Variants in GPAA1 observed in about 807,000 individuals in gnomAD.
The protein encoded by GPAA1 is GPI-anchor transamidase component GPAA1.
GPAA1 carries 54 observed loss-of-function variants against 64.0 expected under a neutral mutation model. The observed-to-expected ratio is 0.84, with a 90% CI of 0.68 to 1.06. The LOEUF is 1.06. Ranked by LOEUF, GPAA1 falls within the 50% of genes least tolerant of loss-of-function variation. GPAA1 has a pLI of 0.00. For missense variants in GPAA1, 780 were observed against 822.3 expected (o/e 0.95, Z 0.63); for synonymous variants, 393 against 377.3 (o/e 1.04, Z -0.48).
chr8:144,082,892 C>A, intron 1 of GPAA1, 88 bp downstream of exon 1: 1 of 1,105,750 alleles, frequency 9.0e-7, no homozygotes, highest in Non-Finnish European at 1.2e-6. Context: ...AGGGCCGGGG[C>A]CGCTCCAGCT....
chr8:144,083,997 C>T lies in GPAA1; in HGVS notation c.573C>T (p.Gly191=). The part of the protein sequence containing the change: ...VFLVTEHDLL[G]TEAWLEAYHD... Reference sequence around the variant, plus strand: ...TGGTAACAGAACATGACCTTCTGGGCACTGAGGCTTGGCTTGAAGCCTACC... The same window carrying T: ...TGGTAACAGAACATGACCTTCTGGGTACTGAGGCTTGGCTTGAAGCCTACC... The change falls in exon 5 of 12, where the codon GGC becomes GGT. Residue 191 remains glycine, a synonymous_variant. Coordinates refer to ENST00000355091, the MANE Select transcript of GPAA1 (RefSeq NM_003801.4). 1 of 1,614,028 alleles carries T rather than the reference C, an allele frequency of 6.2e-7. No individual in the cohort carries two copies. The highest frequency in any genetic ancestry group is 1.1e-5 in the South Asian group (1 of 91,088).
rs781811694 is a variant in GPAA1, at chr8:144,085,089, A to G, written c.1211A>G (p.Glu404Gly). 6.2e-7 allele frequency: 1 copy of G among 1,610,346 alleles called. No homozygotes were observed. Among genetic ancestry groups the G allele is most frequent in the African/African-American group, 1.3e-5 (1 of 74,922 alleles). Residue 404 changes from glutamate (E) to glycine (G), a missense_variant, in exon 9 of 12, where the codon GAG becomes GGG. Coordinates refer to ENST00000355091, the MANE Select transcript of GPAA1 (RefSeq NM_003801.4). ...CTGCATGAGGCTGGAATGGGCCTTGAGGAGCCCGGGGGTGCCCCTGGCCCC... is the reference window on the plus strand; with the variant it reads ...CTGCATGAGGCTGGAATGGGCCTTGGGGAGCCCGGGGGTGCCCCTGGCCCC... The part of the protein sequence containing the change: ...MQLHEAGMGL[E>G]EPGGAPGPSV...
intron 8 of GPAA1, 71 bp from the exon 9 acceptor site, chr8:144,084,972 G>A (rs1302279713): frequency 2.9e-5 from 46 of 1,563,966 alleles, no homozygotes; most frequent in Middle Eastern, 1.7e-4. Context: ...GGTGGGGTAC[G>A]GGGGTGAGCC....
In GPAA1 at chr8:144,085,619, C is replaced by T; in HGVS notation, c.1498C>T (p.Leu500=). 1 of 1,613,822 alleles carries T rather than the reference C, an allele frequency of 6.2e-7. No individual in the cohort carries two copies. ...APDRGWMALK[L]VALIYLALQL... ...AGACAGGGGCTGGATGGCACTGAAG[C>T]TGGTAGCCCTGATCTACCTAGCACT... is the stretch of plus-strand genomic sequence containing the variant. Residue 500 remains leucine (L), a synonymous_variant, in exon 11 of 12, where the codon CTG becomes TTG. Transcript: ENST00000355091.
In GPAA1 at chr8:144,086,136, T is replaced by C. The variant is rs1554764380; in HGVS notation, c.*11T>C. ...CTCTTCTGGAAGTGAGATCTGCCTG[T>C]CCGGGCTGGGACAGAGACTCCCCAA... On this transcript the variant is annotated 3_prime_UTR_variant, in exon 12 of 12. Transcript: ENST00000355091. The C allele has an allele frequency of 6.2e-7, 1 of 1,608,724 alleles. No individual in the cohort carries two copies. The highest frequency in any genetic ancestry group is 1.3e-5 in the African/African-American group (1 of 74,984).
At position 144,084,297 on chromosome 8, in the gene GPAA1, G is replaced by A; in HGVS notation, c.780G>A (p.Gln260=). 1.9e-6 allele frequency: 3 copies of A among 1,613,818 alleles called. No homozygotes were observed. The highest frequency in any genetic ancestry group is 2.5e-6 in the Non-Finnish European group (3 of 1,180,024). The change falls in exon 6 of 12, where the codon CAG becomes CAA. Residue 260 remains glutamine (Q), a synonymous_variant. Transcript: ENST00000355091. ...TCAATCTCTTCCAGACCTTCTGCCA[G>A]AAAGGGGGCCTGTTGTGCACGCTTC... ...DLLNLFQTFC[Q]KGGLLCTLQG... is the part of the protein sequence containing the mutation.
chr8:144,083,845 G>T lies in GPAA1; in HGVS notation c.498G>T (p.Leu166=). ...AGGCTGTGGGGCTGCTGCTGGCACT[G>T]GCTGCCCACTTCCGGGGTGAGTCTC... The part of the protein sequence containing the change: ...NSQAVGLLLA[L]AAHFRGQIYW... Residue 166 remains leucine, a synonymous_variant, in exon 4 of 12, where the codon CTG becomes CTT. Coordinates refer to ENST00000355091, the MANE Select transcript of GPAA1 (RefSeq NM_003801.4). 6.2e-7 allele frequency: 1 copy of T among 1,612,630 alleles called. No individual in the cohort carries two copies. The highest frequency in any genetic ancestry group is 2.2e-5 in the East Asian group (1 of 44,874).
Position 144,086,138 on chromosome 8 carries a change from C to G in GPAA1, c.*13C>G, listed in dbSNP as rs782612265. On this transcript the variant is annotated 3_prime_UTR_variant, in exon 12 of 12. Coordinates refer to ENST00000355091, the MANE Select transcript of GPAA1 (RefSeq NM_003801.4). The stretch of plus-strand genomic sequence containing the variant: ...CTTCTGGAAGTGAGATCTGCCTGTC[C>G]GGGCTGGGACAGAGACTCCCCAAGG... 8.1e-6 allele frequency: 13 copies of G among 1,606,336 alleles called. No individual in the cohort carries two copies. In the East Asian group the frequency reaches 2.7e-4, roughly 33 times the overall value.
At position 144,086,006 on chromosome 8, in the gene GPAA1, G is replaced by A; in HGVS notation, c.1747G>A (p.Ala583Thr). The A allele has an allele frequency of 6.2e-7, 1 of 1,610,666 alleles. No homozygotes were observed. Among genetic ancestry groups the A allele is most frequent in the South Asian group, 1.1e-5 (1 of 91,072 alleles). The stretch of plus-strand genomic sequence containing the variant: ...GGCCGAGGGCTGGCAGCTCTTCCTG[G>A]CAGCGCTAGCCCAGGGTGTGCTGGA... ...SLAEGWQLFLAALAQGVLEHH... is the reference protein window; with the variant it reads ...SLAEGWQLFLTALAQGVLEHH... The change falls in exon 12 of 12, where the codon GCA becomes ACA. Residue 583 changes from alanine to threonine, a missense_variant. Ala to Thr is a moderately conservative substitution (Grantham distance 58). Coordinates refer to ENST00000355091, the MANE Select transcript of GPAA1 (RefSeq NM_003801.4).
At chr8:144,085,815 C>T in intron 11 of GPAA1, 67 bp from the exon 12 acceptor site, 1 of 1,600,016 alleles carries the variant, frequency 6.2e-7, no homozygotes, top group Non-Finnish European at 8.5e-7. Context: ...ATTCAGTAGC[C>T]CTTTCCCCCA....
In GPAA1 at chr8:144,085,124, C is replaced by T. The variant is rs1554764160; in HGVS notation, c.1246C>T (p.Leu416Phe). Reference protein sequence around the residue: ...PGGAPGPSVPLPPSQGVGLAS... With the variant: ...PGGAPGPSVPFPPSQGVGLAS... ...GGGTGCCCCTGGCCCCAGTGTACCCCTTCCCCCATCACAGGTGATGGCACC... is the reference window on the plus strand; with the variant it reads ...GGGTGCCCCTGGCCCCAGTGTACCCTTTCCCCCATCACAGGTGATGGCACC... The change falls in exon 9 of 12, where the codon CTT becomes TTT. Residue 416 changes from leucine to phenylalanine, a missense_variant. By Grantham distance (22) the Leu-to-Phe change is conservative (BLOSUM62 0). Coordinates refer to ENST00000355091, the MANE Select transcript of GPAA1 (RefSeq NM_003801.4). The T allele has an allele frequency of 1.9e-6, 3 of 1,584,786 alleles. No homozygotes were observed. The highest frequency in any genetic ancestry group is 1.1e-5 in the South Asian group (1 of 88,644).
At position 144,084,211 on chromosome 8, in the gene GPAA1, G is replaced by C. The variant is rs1349526019; in HGVS notation, c.694G>C (p.Val232Leu). 1.2e-6 allele frequency: 2 copies of C among 1,613,146 alleles called. No homozygotes were observed. Among genetic ancestry groups the C allele is most frequent in the Non-Finnish European group, 1.7e-6 (2 of 1,179,900 alleles). Residue 232 changes from valine (V) to leucine (L), a missense_variant, in exon 6 of 12, where the codon GTC (valine) becomes CTC (leucine). Physicochemically the swap from Val to Leu is conservative, Grantham distance 32 (BLOSUM62 1). Coordinates refer to ENST00000355091, the MANE Select transcript of GPAA1 (RefSeq NM_003801.4). ...AVALELSSDV[V>L]TSLDVAVEGL... ...GGCCCTGGAGCTGAGCAGTGATGTG[G>C]TCACCAGCCTCGATGTGGCCGTGGA...
intron 7 of GPAA1, 54 bp downstream of exon 7, chr8:144,084,663 C>A (rs1352207983): frequency 1.9e-6 from 3 of 1,606,244 alleles, no homozygotes; most frequent in Non-Finnish European, 2.6e-6. Context: ...CTAGCTGGAG[C>A]GGAGTGGGGG....
rs1835939579 is a variant in GPAA1, at chr8:144,083,322, C to T, written c.254+19C>T. ...AGTCGGGGTGAGCGGCAGAGCAGGG[C>T]GTATGGGGCGAGCAGTGGTGGCTAA... On this transcript the variant is annotated intron_variant, in intron 2 of 11. Coordinates refer to ENST00000355091, the MANE Select transcript of GPAA1 (RefSeq NM_003801.4). The T allele has an allele frequency of 5.0e-6, 8 of 1,610,020 alleles. No individual in the cohort carries two copies. The highest frequency in any genetic ancestry group is 6.8e-6 in the Non-Finnish European group (8 of 1,177,726).
chr8:144,083,592 C>T, intron 3 of GPAA1, 92 bp downstream of exon 3: 3 of 1,418,734 alleles, frequency 2.1e-6, no homozygotes, highest in Non-Finnish European at 3.0e-6. Context: ...GTCATGGGGC[C>T]AGGAAGCTCA....
rs782247339 is a variant in GPAA1, at chr8:144,084,025, GATGTCA to G, written c.608_613del (p.Asn203_Val204del). 2.1e-5 allele frequency: 34 copies of G among 1,612,866 alleles called. No homozygotes were observed. Among genetic ancestry groups the G allele is most frequent in the Admixed American group, 3.3e-5 (2 of 60,028 alleles). The stretch of plus-strand genomic sequence containing the variant: ...TGAGGCTTGGCTTGAAGCCTACCAC[GATGTCA>G]ATGTCACTGGTAGGTTCTCTTGTCC... On this transcript the variant is annotated inframe_deletion, in exon 5 of 12. Transcript: ENST00000355091.
Position 144,082,769 on chromosome 8 carries a change from C to T in GPAA1, c.39C>T (p.Leu13=). 1 of 1,464,906 alleles carries T rather than the reference C, an allele frequency of 6.8e-7. No homozygotes were observed. The allele number at this position is 1,464,906 out of a possible 1,614,324, so 90.7% of individuals were successfully genotyped here. The part of the protein sequence containing the change: ...LLSDPVRRRA[L]ARLVLRLNAP... Reference sequence around the variant, plus strand: ...CGGACCCGGTTCGCCGGCGCGCGCTCGCCCGCCTAGTGCTGCGCCTCAACG... The same window carrying T: ...CGGACCCGGTTCGCCGGCGCGCGCTTGCCCGCCTAGTGCTGCGCCTCAACG... Residue 13 remains leucine (L), a synonymous_variant, in exon 1 of 12, where the codon CTC becomes CTT. Coordinates refer to ENST00000355091, the MANE Select transcript of GPAA1 (RefSeq NM_003801.4).
chr8:144,082,642 G>A lies in GPAA1; in HGVS notation c.-89G>A, dbSNP rs538541613. The A allele has an allele frequency of 7.5e-4, 699 of 934,112 alleles. 3 individuals carry two copies. Among genetic ancestry groups the A allele is most frequent in the South Asian group, 4.3e-3 (188 of 43,450 alleles). 57.9% of individuals were successfully genotyped at this position (934,112 alleles called of 1,614,324 possible). A position where few individuals can be genotyped will look rare whatever the true frequency, so the allele number is the denominator to read the frequency against. The stretch of plus-strand genomic sequence containing the variant: ...GGACCGGAAGTGCGGGCGAGCGCGG[G>A]TCCCCGGGTCTGACAGGAGCAGCCT... On this transcript the variant is annotated 5_prime_UTR_variant, in exon 1 of 12. Coordinates refer to ENST00000355091, the MANE Select transcript of GPAA1 (RefSeq NM_003801.4).
Position 144,084,402 on chromosome 8 carries a change from C to G in GPAA1, c.814-11C>G, listed in dbSNP as rs781802117. On this transcript the variant is annotated splice_polypyrimidine_tract_variant and intron_variant, in intron 6 of 11. Coordinates refer to ENST00000355091, the MANE Select transcript of GPAA1 (RefSeq NM_003801.4). ...GGAGGGGCTGTCTCATCCTGTCCTG[C>G]ACCTCTAAAGCTGCAGCCCGAGGAC... is the stretch of plus-strand genomic sequence containing the variant. 1 of 1,611,124 alleles carries G rather than the reference C, an allele frequency of 6.2e-7. No homozygotes were observed.
Sources: gnomAD v4.1 joint callset for allele counts on GRCh38, gnomAD v4.1.1 for gene constraint, MANE v1.5 for transcripts, NCBI Gene and HGNC (gene_info 2026-07-23, HGNC 2026-07-21) for gene names.